The following RMDN2 variants were observed in gnomAD, a reference collection of about 807,000 sequenced individuals.
RMDN2 encodes the protein regulator of microtubule dynamics 2, also known as regulator of microtubule dynamics protein 2.
In RMDN2, 61 loss-of-function variants were observed where a neutral mutation model predicts 52.8. The ratio of observed to expected loss-of-function variants is 1.16; its 90% CI spans 0.94 to 1.43. The LOEUF (loss-of-function observed/expected upper bound fraction) is 1.43, where lower values mean the gene tolerates loss of function less well. RMDN2 is among the 40% of genes most tolerant of loss of function. The probability of loss-of-function intolerance (pLI) is 0.00; values close to 1 mark genes in which losing one functional copy is unlikely to be tolerated. For synonymous variants in RMDN2, 180 were observed against 153.1 expected (o/e 1.18, Z -1.30); for missense variants, 592 against 475.3 (o/e 1.25, Z -2.28).
At chr2:37,997,610 G>A in intron 8 of RMDN2, 96 bp downstream of exon 8, 1 of 810,086 alleles carries the variant, frequency 1.2e-6, no homozygotes. Flanking sequence ...TCCATGTGGA[G>A]CCTCAGTTTG....
intron 2 of RMDN2, among the ~76,000 whole-genome samples, chr2:37,959,415 T>C (rs1669901875): frequency 1.3e-5 from 2 of 151,272 alleles, no homozygotes; most frequent in South Asian, 4.1e-4. Context: ...ATCCATTTCT[T>C]GTAGATTTTC....
intron 10 of RMDN2, among the ~76,000 whole-genome samples, chr2:38,034,121 C>T (rs1034859636): frequency 2.0e-5 from 3 of 152,260 alleles, no homozygotes; most frequent in African/African-American, 7.2e-5. Context: ...GAAGTCACCA[C>T]TGTGCTGAGG....
chr2:38,008,064 T>C (rs541314908), intron 10 of RMDN2, among the ~76,000 whole-genome samples: 1 of 152,340 alleles, frequency 6.6e-6, no homozygotes, highest in East Asian at 1.9e-4. Flanking sequence ...CACTGTAGTC[T>C]GAGAGACAGT....
At chr2:38,010,027 A>G (rs1246906981) in intron 10 of RMDN2, among the ~76,000 whole-genome samples, 1 of 152,096 alleles carries the variant, frequency 6.6e-6, no homozygotes, top group Non-Finnish European at 1.5e-5. Flanking sequence ...AGAACAGTGG[A>G]TATTCGTGAG....
At chr2:37,959,931 T>C (rs1033207713) in intron 2 of RMDN2, among the ~76,000 whole-genome samples, 3 of 151,626 alleles carry the variant, frequency 2.0e-5, no homozygotes, top group Middle Eastern at 3.2e-3. Context: ...AGCATGTTTT[T>C]CCATTTCCAT....
At chr2:38,022,921 A>G (rs1444974496) in intron 10 of RMDN2, among the ~76,000 whole-genome samples, 1 of 152,220 alleles carries the variant, frequency 6.6e-6, no homozygotes, top group African/African-American at 2.4e-5. Context: ...TGTAGTGACC[A>G]AGCCAGGATT....
intron 2 of RMDN2, among the ~76,000 whole-genome samples, chr2:37,954,065 T>G (rs933312264): frequency 1.3e-5 from 2 of 151,960 alleles, no homozygotes; most frequent in Non-Finnish European, 2.9e-5. Flanking sequence ...TTTTTGTTGA[T>G]TTGTAGGAGT....
chr2:37,932,365 G>T (rs1237742139), intron 2 of RMDN2, among the ~76,000 whole-genome samples: 2 of 151,940 alleles, frequency 1.3e-5, no homozygotes, highest in Non-Finnish European at 2.9e-5. Context: ...GTTTCAGAGA[G>T]CACAGGGTTG....
chr2:37,943,217 G>C (rs1479058747), intron 2 of RMDN2, among the ~76,000 whole-genome samples: 1 of 152,228 alleles, frequency 6.6e-6, no homozygotes, highest in Non-Finnish European at 1.5e-5. Flanking sequence ...AGAGAAGAGA[G>C]TGGAGTACAG....
chr2:37,951,675 T>C lies in RMDN2; in HGVS notation c.452+21946T>C, dbSNP rs1183897649. ...TCCTCAAGCAAGTGGCCAGAATGTGTTTAATCTAAATGAAATCGAAATCTT... is the reference window on the plus strand; with the variant it reads ...TCCTCAAGCAAGTGGCCAGAATGTGCTTAATCTAAATGAAATCGAAATCTT... On this transcript the variant is annotated intron_variant, in intron 2 of 10. Transcript: ENST00000354545. 17 of 1,613,094 alleles carry C rather than the reference T, an allele frequency of 1.1e-5. No homozygotes were observed. In the Admixed American group the frequency reaches 2.3e-4, roughly 22 times the overall value.
intron 2 of RMDN2, chr2:37,951,910 C>T: frequency 1.2e-6 from 2 of 1,613,178 alleles, no homozygotes; most frequent in Non-Finnish European, 1.7e-6. Flanking sequence ...AATGGAATTG[C>T]CAATGATATT....
chr2:38,052,102 C>T (rs1681638006), intron 10 of RMDN2, among the ~76,000 whole-genome samples: 1 of 152,174 alleles, frequency 6.6e-6, no homozygotes. Context: ...ACACTGTTTT[C>T]CATAATGGCT....
chr2:37,987,070 T>TA (rs911483274), intron 5 of RMDN2, among the ~76,000 whole-genome samples: 7 of 151,670 alleles, frequency 4.6e-5, no homozygotes, highest in African/African-American at 1.7e-4. Context: ...ATTGTCTTTG[T>TA]AAAAAATCTA....
intron 2 of RMDN2, among the ~76,000 whole-genome samples, chr2:37,936,425 G>C (rs748098721): frequency 2.6e-5 from 4 of 152,096 alleles, no homozygotes; most frequent in African/African-American, 9.7e-5. Context: ...GGGATTGCTG[G>C]GTCAAATGGT....
chr2:38,056,301 C>A (rs1681853674), intron 10 of RMDN2, among the ~76,000 whole-genome samples: 1 of 152,164 alleles, frequency 6.6e-6, no homozygotes, highest in Non-Finnish European at 1.5e-5. Flanking sequence ...CCTTTCCTAA[C>A]CCTCATGTCC....
At chr2:37,991,140 G>C (rs1674734585) in intron 6 of RMDN2, 80 bp from the exon 7 acceptor site, 1 of 632,702 alleles carries the variant, frequency 1.6e-6, no homozygotes, top group East Asian at 2.9e-5. Flanking sequence ...AACCACTTTT[G>C]AGTTACTAGG....
At chr2:37,989,102 A>G (rs1052368828) in intron 5 of RMDN2, among the ~76,000 whole-genome samples, 1 of 152,178 alleles carries the variant, frequency 6.6e-6, no homozygotes, top group Admixed American at 6.5e-5. Context: ...GAGGGAATGA[A>G]TTTTTTAAGT....
intron 2 of RMDN2, among the ~76,000 whole-genome samples, chr2:37,957,318 G>A (rs1395715153): frequency 6.6e-6 from 1 of 152,166 alleles, no homozygotes; most frequent in African/African-American, 2.4e-5. Flanking sequence ...TCCAGCATCT[G>A]TTGTTTCTGA....
intron 7 of RMDN2, among the ~76,000 whole-genome samples, chr2:37,995,785 T>C (rs997871351): frequency 3.3e-5 from 5 of 152,284 alleles, no homozygotes; most frequent in South Asian, 4.1e-4. Context: ...GTCATGCAGT[T>C]TTTCTGATCA....
Sources: gnomAD v4.1 joint callset for allele counts (sites outside exome capture counted in the v4.1 genomes callset) on GRCh38, gnomAD v4.1.1 for gene constraint, MANE v1.5 for transcripts, NCBI Gene and HGNC (gene_info 2026-07-23, HGNC 2026-07-21) for gene names.